Variants in NCOA3 observed in about 807,000 individuals in gnomAD.
NCOA3 encodes the protein CBP-interacting protein.
In NCOA3, 51 loss-of-function variants were observed where a neutral mutation model predicts 158.8. The ratio of observed to expected loss-of-function variants is 0.32; its 90% confidence interval spans 0.26 to 0.41. The LOEUF is 0.41. NCOA3 is among the 10% of genes least tolerant of loss of function. The pLI, the probability that NCOA3 is intolerant of heterozygous loss-of-function variation, is 1.00. For synonymous variants in NCOA3, 537 were observed against 592.4 expected (o/e 0.91, Z 1.36); for missense variants, 1,510 against 1,746.6 (o/e 0.86, Z 2.41).
At chr20:47,650,363 G>C (rs1047344040) in intron 19 of NCOA3, among the ~76,000 whole-genome samples, 1 of 148,962 alleles carries the variant, frequency 6.7e-6, no homozygotes, top group East Asian at 2.0e-4. Flanking sequence ...GGATTTTCCT[G>C]CCTCAGCCTC....
chr20:47,628,604 G>A (rs1487241906), intron 8 of NCOA3: 2 of 152,120 alleles, frequency 1.3e-5, no homozygotes, highest in African/African-American at 4.8e-5. Flanking sequence ...TAGAGATGGG[G>A]TTTCACCATG....
intron 8 of NCOA3, among the ~76,000 whole-genome samples, chr20:47,629,461 C>G (rs188083815): frequency 6.6e-6 from 1 of 152,072 alleles, no homozygotes; most frequent in East Asian, 1.9e-4. Context: ...TCCCGAGTAG[C>G]TGAAATTACA....
intron 13 of NCOA3, 21 bp from the exon 14 acceptor site, chr20:47,638,987 T>C: frequency 6.4e-7 from 1 of 1,553,856 alleles, no homozygotes; most frequent in Non-Finnish European, 8.7e-7. Flanking sequence ...AAGAAATGTT[T>C]TTGTATTGTG....
chr20:47,648,040 G>A (rs961495380), intron 18 of NCOA3, among the ~76,000 whole-genome samples: 6 of 151,034 alleles, frequency 4.0e-5, no homozygotes, highest in African/African-American at 1.2e-4. Flanking sequence ...TCAGCCTCCC[G>A]AGTAGCTGGG....
Position 47,652,953 on chromosome 20 carries a change from G to C in NCOA3, c.4144G>C (p.Ala1382Pro), listed in dbSNP as rs1030324768. 1.2e-6 allele frequency: 2 copies of C among 1,614,004 alleles called. No homozygotes were observed. The highest frequency in any genetic ancestry group is 1.7e-6 in the Non-Finnish European group (2 of 1,180,006). The change falls in exon 22 of 23, where the codon GCC becomes CCC. Residue 1382 changes from alanine to proline, a missense_variant. Around this residue, in one of 4 missense-constraint regions of NCOA3, gnomAD observed 180 missense variants for 199.3 expected, o/e 0.90. Transcript: ENST00000371998. ...RNSSFSQQQFAHQGNPAVYSM... is the reference protein window; with the variant it reads ...RNSSFSQQQFPHQGNPAVYSM... ...CAGCTCCTTTTCCCAGCAGCAGTTT[G>C]CCCACCAGGGGAATCCTGCAGTGTA...
Position 47,639,086 on chromosome 20 carries a change from T to G in NCOA3, c.2591T>G (p.Val864Gly). The change falls in exon 14 of 23, where the codon GTT becomes GGT. Residue 864 changes from valine to glycine, a missense_variant. Physicochemically the swap from Val to Gly is moderately radical, Grantham distance 109 (BLOSUM62 -3). Around this residue, in one of 4 missense-constraint regions of NCOA3, gnomAD observed 1,017 missense variants for 1,098.3 expected, o/e 0.93. Coordinates refer to ENST00000371998, the MANE Select transcript of NCOA3 (RefSeq NM_181659.3). ...RAVSLDSPVS[V>G]GSSPPVKNIS... ...GTGTCTCTGGATAGCCCTGTTTCTG[T>G]TGGCTCAAGTCCTCCAGTAAAAAAT... The G allele has an allele frequency of 6.2e-7, 1 of 1,614,220 alleles. No individual in the cohort carries two copies. Among genetic ancestry groups the G allele is most frequent in the Non-Finnish European group, 8.5e-7 (1 of 1,180,022 alleles).
chr20:47,584,985 A>G (rs1016301554), intron 2 of NCOA3, among the ~76,000 whole-genome samples: 17 of 152,002 alleles, frequency 1.1e-4, no homozygotes, highest in Middle Eastern at 3.2e-3. Context: ...CACCTTGTGA[A>G]GACAAATTTC....
At chr20:47,554,798 A>C (rs575156281) in intron 1 of NCOA3, among the ~76,000 whole-genome samples, 14 of 152,268 alleles carry the variant, frequency 9.2e-5, no homozygotes, top group African/African-American at 3.1e-4. Context: ...TAATTTATAG[A>C]TTCAATGCCA....
intron 2 of NCOA3, among the ~76,000 whole-genome samples, chr20:47,607,450 A>G (rs6066406): frequency 0.92 from 140,467 of 152,214 alleles, 64,930 homozygotes; most frequent in East Asian, 0.98. Context: ...TTTCTTGGTC[A>G]CCTCTCCATA....
At chr20:47,641,865 C>T (rs1259696184) in intron 16 of NCOA3, among the ~76,000 whole-genome samples, 2 of 152,004 alleles carry the variant, frequency 1.3e-5, no homozygotes, top group East Asian at 3.9e-4. Flanking sequence ...TAATTATTAC[C>T]TCCTTCACTG....
chr20:47,523,867 A>G (rs992746117), intron 1 of NCOA3, among the ~76,000 whole-genome samples: 6 of 152,268 alleles, frequency 3.9e-5, no homozygotes, highest in African/African-American at 1.4e-4. Context: ...AGGTGCTACC[A>G]TGTATAACCC....
In NCOA3 at chr20:47,594,664, C is replaced by CAAAAA. The variant is rs377014290; in HGVS notation, c.-20+11430_-20+11434dup. ...TGGGCGACAGAGCGAGACTCTGTCTCAAAAAAAAAAAAAAAAAAAAAAAAA... is the reference window on the plus strand; with the variant it reads ...TGGGCGACAGAGCGAGACTCTGTCTCAAAAAAAAAAAAAAAAAAAAAAAAAAAAAA... On this transcript the variant is annotated intron_variant, in intron 2 of 22. Transcript: ENST00000371998. Among the ~76,000 whole-genome samples, 193 of 72,926 alleles carry CAAAAA rather than the reference C, an allele frequency of 2.6e-3. 9 individuals carry two copies. The highest frequency in any genetic ancestry group is 3.8e-3 in the Non-Finnish European group (153 of 40,710). The allele number at this position is 72,926 out of a possible 152,430, so 47.8% of individuals were successfully genotyped here.
At chr20:47,591,719 G>T (rs2085643758) in intron 2 of NCOA3, among the ~76,000 whole-genome samples, 1 of 149,182 alleles carries the variant, frequency 6.7e-6, no homozygotes, top group Admixed American at 6.7e-5. Context: ...CTTTAAAGTT[G>T]TTCTGTGGTG....
rs571430260 is a variant in NCOA3 at position 47,580,330 on chromosome 20, C to T, written c.-98-2853C>T. ...CTGTAATCCCAGCACTTTGGGAGGC[C>T]GAGGTGGGCAGATTTCTTGAGGTCA... On this transcript the variant is annotated intron_variant, in intron 1 of 22. Transcript: ENST00000371998. Among the ~76,000 whole-genome samples, 246 of 151,992 alleles carry T rather than the reference C, an allele frequency of 1.6e-3. 2 individuals carry two copies. Among genetic ancestry groups the T allele is most frequent in the African/African-American group, 2.8e-3 (118 of 41,468 alleles).
At chr20:47,514,712 G>GCTTTTTTTTTTTTTTTTTTTTTTTTT (rs2084203728) in intron 1 of NCOA3, among the ~76,000 whole-genome samples, 2 of 124,604 alleles carry the variant, frequency 1.6e-5, no homozygotes, top group Non-Finnish European at 3.4e-5. Context: ...TTTGTTTTTT[G>GCTTTTTTTTTTTTTTTTTTTTTTTTT]CTTTTTTTTT....
intron 1 of NCOA3, among the ~76,000 whole-genome samples, chr20:47,524,369 G>A (rs963375770): frequency 1.3e-5 from 2 of 152,182 alleles, no homozygotes; most frequent in African/African-American, 2.4e-5. Context: ...AAAGTTTGGC[G>A]ACAGGGTAGC....
chr20:47,615,417 C>T (rs1386947628), intron 2 of NCOA3, among the ~76,000 whole-genome samples: 4 of 152,150 alleles, frequency 2.6e-5, no homozygotes, highest in African/African-American at 9.7e-5. Context: ...TCCTTTTGGA[C>T]AGGGCGTAGT....
chr20:47,635,194 G>A (rs1465630532), intron 10 of NCOA3, 128 bp from the exon 11 acceptor site: 2 of 884,394 alleles, frequency 2.3e-6, no homozygotes, highest in Admixed American at 5.8e-5. Flanking sequence ...TTCCCAAAGT[G>A]CTGGGAATAT....
In NCOA3 at chr20:47,633,550, T is replaced by C; in HGVS notation, c.878T>C (p.Phe293Ser). ...CTGAGATCCTCCATGAGGCCTGGCT[T>C]TGAAGATATAATCCGAAGGTGTATT... ...NSLRSSMRPG[F>S]EDIIRRCIQR... Residue 293 changes from phenylalanine (F) to serine (S), a missense_variant, in exon 9 of 23, where the codon TTT (phenylalanine) becomes TCT (serine). Around this residue, in one of 4 missense-constraint regions of NCOA3, gnomAD observed 309 missense variants for 427.1 expected, o/e 0.72. Coordinates refer to ENST00000371998, the MANE Select transcript of NCOA3 (RefSeq NM_181659.3). The C allele has an allele frequency of 6.2e-7, 1 of 1,613,728 alleles. No individual in the cohort carries two copies. The highest frequency in any genetic ancestry group is 8.5e-7 in the Non-Finnish European group (1 of 1,179,606).
Sources: allele counts gnomAD v4.1 joint callset (sites outside exome capture counted in the v4.1 genomes callset), GRCh38; gene constraint gnomAD v4.1.1; regional missense constraint gnomAD v4.1.1; transcripts MANE v1.5; gene names NCBI Gene and HGNC (gene_info 2026-07-23, HGNC 2026-07-21).